The following SLC39A8 variants were observed in gnomAD, a reference collection of about 807,000 sequenced individuals.
SLC39A8 encodes solute carrier family 39 member 8.
In SLC39A8, 15 loss-of-function variants were observed where a neutral mutation model predicts 40.4. That is an observed-to-expected ratio of 0.37 (90% CI 0.25 to 0.57). The LOEUF (loss-of-function observed/expected upper bound fraction) is 0.57, where lower values mean the gene tolerates loss of function less well. SLC39A8 is among the 20% of genes least tolerant of loss of function. The pLI, the probability that SLC39A8 is intolerant of heterozygous loss-of-function variation, is 0.75. For synonymous variants in SLC39A8, 223 were observed against 221.6 expected, an observed-to-expected ratio of 1.01 and a Z score of -0.06; for missense variants, 472 against 558.8, an observed-to-expected ratio of 0.84 and a Z score of 1.57.
intron 2 of SLC39A8, among the ~76,000 whole-genome samples, chr4:102,340,780 G>T (rs369456685): frequency 3.3e-5 from 5 of 152,328 alleles, no homozygotes; most frequent in African/African-American, 1.2e-4. Flanking sequence ...AGAAAATAGA[G>T]AAATCAGTAA....
At chr4:102,274,989 GC>G (rs2149010681) in intron 6 of SLC39A8, among the ~76,000 whole-genome samples, 1 of 152,276 alleles carries the variant, frequency 6.6e-6, no homozygotes, top group Admixed American at 6.5e-5. Context: ...ACCAGCCATG[GC>G]AAAAACAAAG....
chr4:102,252,163 C>T, exon 12 of SLC39A8: 1 of 152,356 alleles, frequency 6.6e-6, no homozygotes, highest in Non-Finnish European at 1.5e-5. Context: ...TCTTTTCCAT[C>T]TCCCCTGCAA....
chr4:102,272,877 T>C (rs1380893246), intron 6 of SLC39A8, among the ~76,000 whole-genome samples: 1 of 152,038 alleles, frequency 6.6e-6, no homozygotes, highest in Non-Finnish European at 1.5e-5. Flanking sequence ...AAGGAGGCCA[T>C]GAGGAGCCAT....
intron 2 of SLC39A8, among the ~76,000 whole-genome samples, chr4:102,340,183 A>AT (rs1735882205): frequency 1.3e-5 from 2 of 152,202 alleles, no homozygotes; most frequent in Admixed American, 1.3e-4. Flanking sequence ...AATACATGTT[A>AT]TAAACCAGGC....
intron 6 of SLC39A8, among the ~76,000 whole-genome samples, chr4:102,281,269 G>T (rs1420759759): frequency 6.6e-6 from 1 of 152,030 alleles, no homozygotes; most frequent in Admixed American, 6.6e-5. Flanking sequence ...CTTAAAAGTA[G>T]TGTTTCCAAA....
intron 2 of SLC39A8, among the ~76,000 whole-genome samples, chr4:102,322,796 T>C (rs1247797425): frequency 1.3e-5 from 2 of 152,146 alleles, no homozygotes; most frequent in Non-Finnish European, 2.9e-5. Context: ...GGTTGTATTC[T>C]CTCTGTGGAG....
chr4:102,330,141 G>A (rs1181993560), intron 2 of SLC39A8, among the ~76,000 whole-genome samples: 1 of 152,080 alleles, frequency 6.6e-6, no homozygotes. Flanking sequence ...AAATTCAAAA[G>A]CTGGCAGAAG....
rs375968946 is a variant in SLC39A8, at chr4:102,317,900, C to T, written c.220-2070G>A. ...ATTGTAACCCATTCCTGAATCAGGA[C>T]GCCCACTTGCTAAGGCACAGTCTGC... On this transcript the variant is annotated intron_variant, in intron 2 of 8. Coordinates refer to ENST00000356736, the MANE Select transcript of SLC39A8 (RefSeq NM_001135146.2). Among the ~76,000 whole-genome samples, 32 of 152,254 alleles carry T rather than the reference C, an allele frequency of 2.1e-4. No individual in the cohort carries two copies. The East Asian group carries it at 4.1e-3, about 19-fold the overall frequency.
At chr4:102,253,929 C>A (rs1283383833) in intron 11 of SLC39A8, among the ~76,000 whole-genome samples, 2 of 152,074 alleles carry the variant, frequency 1.3e-5, no homozygotes, top group African/African-American at 4.8e-5. Flanking sequence ...TTATTAATCA[C>A]AACTATCTGG....
intron 6 of SLC39A8, among the ~76,000 whole-genome samples, chr4:102,270,177 CAGA>C (rs1732285530): frequency 1.3e-5 from 2 of 152,040 alleles, no homozygotes; most frequent in South Asian, 2.1e-4. Flanking sequence ...GTGATGACTT[CAGA>C]AGAAGACTAC....
intron 3 of SLC39A8, 54 bp from the exon 4 acceptor site, chr4:102,307,659 G>T: frequency 6.5e-7 from 1 of 1,547,722 alleles, no homozygotes; most frequent in Non-Finnish European, 8.8e-7. Context: ...GGAACCAAAT[G>T]ATGTTTTCCT....
At chr4:102,307,710 A>G in intron 3 of SLC39A8, 105 bp from the exon 4 acceptor site, 1 of 1,140,062 alleles carries the variant, frequency 8.8e-7, no homozygotes, top group South Asian at 1.5e-5. Flanking sequence ...CTTAAGACAC[A>G]TATCTTCTTT....
chr4:102,257,726 C>G (rs1731740376), downstream of SLC39A8, among the ~76,000 whole-genome samples: 1 of 152,176 alleles, frequency 6.6e-6, no homozygotes, highest in Non-Finnish European at 1.5e-5. Context: ...GTCCCATCAC[C>G]ACAGAGTGAT....
At chr4:102,317,727 A>G (rs1734724035) in intron 2 of SLC39A8, among the ~76,000 whole-genome samples, 1 of 152,156 alleles carries the variant, frequency 6.6e-6, no homozygotes, top group South Asian at 2.1e-4. Context: ...AGGAAGACTT[A>G]CCCTACTTGG....
chr4:102,296,814 C>T (rs1733695688), intron 6 of SLC39A8, among the ~76,000 whole-genome samples: 1 of 152,058 alleles, frequency 6.6e-6, no homozygotes, highest in Non-Finnish European at 1.5e-5. Flanking sequence ...AAGACCACCT[C>T]ATAAGTAACT....
chr4:102,255,611 A>C (rs971488998), intron 11 of SLC39A8, among the ~76,000 whole-genome samples: 4 of 152,162 alleles, frequency 2.6e-5, no homozygotes, highest in African/African-American at 7.2e-5. Context: ...GCTTGTGGCA[A>C]ATGGGTGAGG....
intron 2 of SLC39A8, among the ~76,000 whole-genome samples, chr4:102,340,147 C>T (rs1735876536): frequency 6.6e-6 from 1 of 152,148 alleles, no homozygotes; most frequent in Non-Finnish European, 1.5e-5. Flanking sequence ...ACCATCTTCA[C>T]CCATCTATTC....
intron 3 of SLC39A8, among the ~76,000 whole-genome samples, chr4:102,310,473 A>C (rs1174584119): frequency 6.6e-6 from 1 of 152,154 alleles, no homozygotes; most frequent in Admixed American, 6.6e-5. Context: ...TTGCTGAATG[A>C]ATTGATAAAT....
intron 6 of SLC39A8, among the ~76,000 whole-genome samples, chr4:102,279,195 G>A (rs777389177): frequency 3.3e-5 from 5 of 151,840 alleles, no homozygotes; most frequent in Admixed American, 6.6e-5. Context: ...CCTTGGACTT[G>A]ATGAGTTTGA....
Sources: allele counts gnomAD v4.1 joint callset (sites outside exome capture counted in the v4.1 genomes callset), GRCh38; gene constraint gnomAD v4.1.1; transcripts MANE v1.5; gene names NCBI Gene and HGNC (gene_info 2026-07-23, HGNC 2026-07-21).